Variants in STAB1 observed in about 807,000 individuals in gnomAD.
STAB1 encodes stabilin 1.
In STAB1, 250 loss-of-function variants were observed where a neutral mutation model predicts 332.4. The ratio of observed to expected loss-of-function variants is 0.75; its 90% CI spans 0.68 to 0.84. The LOEUF is 0.84. Ranked by LOEUF, STAB1 falls within the 40% of genes least tolerant of loss-of-function variation. The pLI is 0.00. For synonymous variants in STAB1, 1,475 were observed against 1,390.4 expected (o/e 1.06, Z -1.35); for missense variants, 3,249 against 3,489.7 (o/e 0.93, Z 1.74).
At position 52,517,120 on chromosome 3, in the gene STAB1, G is replaced by A; in HGVS notation, c.4489+11G>A. Reference sequence around the variant, plus strand: ...GGGAGCTGTGCCAGGGTGAGACTAGGCCCCTAACCTGGGTTTATGTTGGGC... The same window carrying A: ...GGGAGCTGTGCCAGGGTGAGACTAGACCCCTAACCTGGGTTTATGTTGGGC... On this transcript the variant is annotated intron_variant, in intron 42 of 68. Coordinates refer to ENST00000321725, the MANE Select transcript of STAB1 (RefSeq NM_015136.3). 1 of 1,529,588 alleles carries A rather than the reference G, an allele frequency of 6.5e-7. No homozygotes were observed. 94.8% of individuals were successfully genotyped at this position (1,529,588 alleles called of 1,614,324 possible).
intron 50 of STAB1, 48 bp from the exon 51 acceptor site, chr3:52,519,896 A>T: frequency 6.6e-7 from 1 of 1,525,698 alleles, no homozygotes; most frequent in African/African-American, 1.4e-5. Context: ...TTTGCTAACT[A>T]GTCTCTGACT....
At position 52,505,379 on chromosome 3, in the gene STAB1, G is replaced by A. The variant is rs745795585; in HGVS notation, c.1579G>A (p.Glu527Lys). ...CTTCAGCCGCTTTGAAACCATCCTGGAGGTAAGCTCGGGGGAGGGGTCCTA... is the reference window on the plus strand; with the variant it reads ...CTTCAGCCGCTTTGAAACCATCCTGAAGGTAAGCTCGGGGGAGGGGTCCTA... ...EAFSRFETIL[E>K]NCGLPSILDG... The change falls in exon 14 of 69, where the codon GAG becomes AAG. Residue 527 changes from glutamate to lysine, a missense_variant and splice_region_variant. Transcript: ENST00000321725. The A allele has an allele frequency of 5.6e-6, 9 of 1,613,312 alleles. No individual in the cohort carries two copies. The highest frequency in any genetic ancestry group is 1.6e-4 in the Middle Eastern group (1 of 6,082).
intron 39 of STAB1, 40 bp downstream of exon 39, chr3:52,516,491 A>T: frequency 6.2e-7 from 1 of 1,613,440 alleles, no homozygotes; most frequent in South Asian, 1.1e-5. Context: ...GTGGCTACTG[A>T]GGAGGCTGTT....
At chr3:52,517,752 C>T in intron 44 of STAB1, 128 bp downstream of exon 44, 14 of 1,561,934 alleles carry the variant, frequency 9.0e-6, no homozygotes, top group South Asian at 5.8e-5. Context: ...CCGTCAAGCT[C>T]GAGTTTAATC....
At chr3:52,512,535 G>A (rs900855377) in intron 27 of STAB1, 61 bp from the exon 28 acceptor site, 20 of 1,613,158 alleles carry the variant, frequency 1.2e-5, no homozygotes, top group Non-Finnish European at 1.5e-5. Flanking sequence ...AGGATCCATG[G>A]TGGGGAAGGG....
Position 52,513,123 on chromosome 3 carries a change from C to A in STAB1, c.3159-7C>A. The A allele has an allele frequency of 6.4e-7, 1 of 1,561,180 alleles. No homozygotes were observed. Among genetic ancestry groups the A allele is most frequent in the Admixed American group, 1.9e-5 (1 of 51,838 alleles). On this transcript the variant is annotated splice_polypyrimidine_tract_variant and splice_region_variant and intron_variant, in intron 29 of 68. Coordinates refer to ENST00000321725, the MANE Select transcript of STAB1 (RefSeq NM_015136.3). The stretch of plus-strand genomic sequence containing the variant: ...TTCCATGACCCCCCTAAACTGTGCC[C>A]TGTCAGGGCCCATTTTCTCCAGGGT...
chr3:52,521,671 G>T lies in STAB1; in HGVS notation c.6134G>T (p.Trp2045Leu). The change falls in exon 57 of 69, where the codon TGG (tryptophan) becomes TTG (leucine). Residue 2045 changes from tryptophan (W) to leucine (L), a missense_variant. By Grantham distance (61) the Trp-to-Leu change is moderately conservative (BLOSUM62 -2). Coordinates refer to ENST00000321725, the MANE Select transcript of STAB1 (RefSeq NM_015136.3). ...GGCTCCTGCTTCTGTGATGAAGGCT[G>T]GACTGGGCCACGCTGTGAGGTGCAA... ...GSGSCFCDEG[W>L]TGPRCEVQLE... is the part of the protein sequence containing the mutation. 1 of 1,612,980 alleles carries T rather than the reference G, an allele frequency of 6.2e-7. No homozygotes were observed. Among genetic ancestry groups the T allele is most frequent in the African/African-American group, 1.3e-5 (1 of 75,072 alleles).
At chr3:52,515,553 T>TGG (rs1248429259) in intron 37 of STAB1, 47 bp downstream of exon 37, 2 of 1,597,270 alleles carry the variant, frequency 1.3e-6, no homozygotes, top group African/African-American at 2.7e-5. Context: ...GAGAAGGAGG[T>TGG]GGGAGTGGGT....
intron 1 of STAB1, 125 bp downstream of exon 1, chr3:52,495,616 C>A: frequency 1.1e-6 from 1 of 889,390 alleles, no homozygotes; most frequent in Non-Finnish European, 1.5e-6. Context: ...GCCTGTCTGG[C>A]CTCTTAGCAG....
Position 52,513,736 on chromosome 3 carries a change from C to A in STAB1, c.3290C>A (p.Ala1097Asp). 1 of 1,613,298 alleles carries A rather than the reference C, an allele frequency of 6.2e-7. No homozygotes were observed. The highest frequency in any genetic ancestry group is 8.5e-7 in the Non-Finnish European group (1 of 1,179,968). The change falls in exon 31 of 69, where the codon GCC becomes GAC. Residue 1097 changes from alanine to aspartate, a missense_variant. Transcript: ENST00000321725. Reference sequence around the variant, plus strand: ...TTCCAGAGGGTCTGGGTGCAGAATGCCAGCGTGGATGTGGCTGACCTCCTT... The same window carrying A: ...TTCCAGAGGGTCTGGGTGCAGAATGACAGCGTGGATGTGGCTGACCTCCTT... Reference protein sequence around the residue: ...NISGRVWVQNASVDVADLLAT... With the variant: ...NISGRVWVQNDSVDVADLLAT...
chr3:52,517,780 G>A (rs2078923575), intron 44 of STAB1, 101 bp from the exon 45 acceptor site: 2 of 1,586,952 alleles, frequency 1.3e-6, no homozygotes, highest in East Asian at 2.2e-5. Context: ...AATAGGATCT[G>A]GGGGGCTGAG....
Position 52,518,007 on chromosome 3 carries a change from A to G in STAB1, c.4761+4A>G. On this transcript the variant is annotated splice_donor_region_variant and intron_variant, in intron 45 of 68. Transcript: ENST00000321725. The stretch of plus-strand genomic sequence containing the variant: ...CTGCCGTGCCCGAGTCGGCCTGGTA[A>G]TGATGCCCAAGTCAGACCCCTGATC... 3.1e-6 allele frequency: 5 copies of G among 1,601,626 alleles called. No homozygotes were observed. The highest frequency in any genetic ancestry group is 4.3e-6 in the Non-Finnish European group (5 of 1,175,998).
chr3:52,501,102 G>A, intron 1 of STAB1, 64 bp from the exon 2 acceptor site: 1 of 1,577,710 alleles, frequency 6.3e-7, no homozygotes, highest in Non-Finnish European at 8.7e-7. Flanking sequence ...TTGCAGCACT[G>A]AGGACAGGGT....
rs9857947 is a variant in STAB1 at position 52,501,570 on chromosome 3, G to A, written c.216-68G>A. The A allele has an allele frequency of 3.1e-3, 4,379 of 1,428,180 alleles. 103 individuals carry two copies. The African/African-American group carries it at 0.055, about 18-fold the overall frequency. 88.5% of individuals were successfully genotyped at this position (1,428,180 alleles called of 1,614,324 possible). A position where few individuals can be genotyped will look rare whatever the true frequency, so the allele number is the denominator to read the frequency against. Reference sequence around the variant, plus strand: ...GTGGGTGGGAGCCCCGGAAGCCAATGTGGGGAGGCTGGGTGGGGGCTGTGC... The same window carrying A: ...GTGGGTGGGAGCCCCGGAAGCCAATATGGGGAGGCTGGGTGGGGGCTGTGC... On this transcript the variant is annotated intron_variant, in intron 2 of 68. Coordinates refer to ENST00000321725, the MANE Select transcript of STAB1 (RefSeq NM_015136.3).
intron 32 of STAB1, 21 bp from the exon 33 acceptor site, chr3:52,514,094 T>G (rs1709493576): frequency 6.2e-7 from 1 of 1,612,368 alleles, no homozygotes; most frequent in African/African-American, 1.3e-5. Context: ...TGCCCATCCC[T>G]GACCTCCACC....
At position 52,504,142 on chromosome 3, in the gene STAB1, C is replaced by T. The variant is rs776978215; in HGVS notation, c.1137C>T (p.Ala379=). ...GGGTGTTCCTGCAGCTGAGGGTCGC[C>T]GTGGCCATGATGGGTGCGTGACCCC... The part of the protein sequence containing the change: ...TGRVFLQLRV[A]VAMMDQGCRE... Residue 379 remains alanine, a synonymous_variant, in exon 10 of 69, where the codon GCC becomes GCT. Coordinates refer to ENST00000321725, the MANE Select transcript of STAB1 (RefSeq NM_015136.3). 3.7e-5 allele frequency: 59 copies of T among 1,588,554 alleles called. No homozygotes were observed. The highest frequency in any genetic ancestry group is 4.7e-5 in the Non-Finnish European group (55 of 1,169,746).
At chr3:52,501,815 C>G (rs1279313830) in intron 3 of STAB1, 62 bp downstream of exon 3, 72 of 1,493,752 alleles carry the variant, frequency 4.8e-5, no homozygotes, top group Non-Finnish European at 5.8e-5. Context: ...TGGGCAAGCC[C>G]TCTGCAGGAG....
rs1045477291 is a variant in STAB1 at position 52,520,999 on chromosome 3, T to C, written c.5902T>C (p.Cys1968Arg). The change falls in exon 55 of 69, where the codon TGC becomes CGC. Residue 1968 changes from cysteine to arginine, a missense_variant. Cys to Arg is a radical substitution (Grantham distance 180, BLOSUM62 -3). Transcript: ENST00000321725. ...SCCPGHYGSE[C>R]QACPGGPSSP... ...CTGCCCTGGTCACTATGGCAGTGAG[T>C]GCCAAGGTGAGCATTGCAGACACTG... 3.9e-6 allele frequency: 6 copies of C among 1,541,524 alleles called. No individual in the cohort carries two copies. Among genetic ancestry groups the C allele is most frequent in the Non-Finnish European group, 5.2e-6 (6 of 1,146,374 alleles).
chr3:52,496,970 A>C (rs549022387), intron 1 of STAB1, among the ~76,000 whole-genome samples: 1 of 152,342 alleles, frequency 6.6e-6, no homozygotes, highest in Non-Finnish European at 1.5e-5. Context: ...GAAAATATTC[A>C]GGAAATAAAA....
Sources: gnomAD v4.1 joint callset for allele counts (sites outside exome capture counted in the v4.1 genomes callset) on GRCh38, gnomAD v4.1.1 for gene constraint, MANE v1.5 for transcripts, NCBI Gene and HGNC (gene_info 2026-07-23, HGNC 2026-07-21) for gene names.